Variants in COL5A1 observed in about 807,000 individuals in gnomAD.
The protein encoded by COL5A1 is collagen alpha-1(V) chain.
A neutral mutation model predicts 263.7 loss-of-function variants in COL5A1; 16 were observed. The observed-to-expected ratio is 0.06, with a 90% CI of 0.04 to 0.09. The LOEUF (loss-of-function observed/expected upper bound fraction) is 0.09, where lower values mean the gene tolerates loss of function less well. Among genes scored for constraint, COL5A1 ranks in the 10% least tolerant of loss-of-function variants. COL5A1 has a pLI of 1.00. For missense variants in COL5A1, 2,036 were observed against 2,540.5 expected (o/e 0.80, Z 4.27); for synonymous variants, 1,012 against 1,004.5 (o/e 1.01, Z -0.14).
intron 37 of COL5A1, among the ~76,000 whole-genome samples, chr9:134,801,613 C>T (rs142496776): frequency 0.022 from 3,382 of 152,226 alleles, 56 homozygotes; most frequent in Non-Finnish European, 0.034. Flanking sequence ...ATGGTGAAAT[C>T]CTGTCTCTAC....
chr9:134,727,001 GTGGATGGATGGA>G (rs573333833), intron 4 of COL5A1, among the ~76,000 whole-genome samples: 1 of 149,022 alleles, frequency 6.7e-6, no homozygotes, highest in Non-Finnish European at 1.5e-5. Context: ...GAACGAATGA[GTGGATGGATGGA>G]TGGATGGATG....
rs553673895 is a variant in COL5A1 at position 134,678,940 on chromosome 9, C to T, written c.110-11972C>T. On this transcript the variant is annotated intron_variant, in intron 1 of 65. Coordinates refer to ENST00000371817, the MANE Select transcript of COL5A1 (RefSeq NM_000093.5). The surrounding 1 kb of genome is among the most constrained non-coding windows in gnomAD (Gnocchi z 5.5). ...GTTAGATCTGTGCAGGGTGAGGCTC[C>T]GAGGCTTGCTGGGTCAGTCCCATTC... 4.6e-5 allele frequency among the ~76,000 whole-genome samples: 7 copies of T among 152,122 alleles called. No homozygotes were observed. Among genetic ancestry groups the T allele is most frequent in the East Asian group, 1.9e-4 (1 of 5,174 alleles).
rs576141206 is a variant in COL5A1, at chr9:134,807,938, C to T, written c.3367-1245C>T. Among the ~76,000 whole-genome samples, 4 of 152,236 alleles carry T rather than the reference C, an allele frequency of 2.6e-5. No individual in the cohort carries two copies. In the East Asian group the frequency reaches 7.8e-4, roughly 30 times the overall value. On this transcript the variant is annotated intron_variant, in intron 42 of 65. Coordinates refer to ENST00000371817, the MANE Select transcript of COL5A1 (RefSeq NM_000093.5). ...GAGTTGCTCTATCCAGGCAGAAGCT[C>T]GTCATCCTCCCAGAATAGCTCCAGA... is the stretch of plus-strand genomic sequence containing the variant.
Position 134,842,110 on chromosome 9 carries a change from C to T in COL5A1, c.5371-47C>T, listed in dbSNP as rs1034984568. 1 of 1,609,958 alleles carries T rather than the reference C, an allele frequency of 6.2e-7. No homozygotes were observed. The highest frequency in any genetic ancestry group is 1.3e-5 in the African/African-American group (1 of 74,768). ...GGGGGGTGATTGGTAAACCCCAAGACCCCCAACTGTTCTTAACCACCGGCC... is the reference window on the plus strand; with the variant it reads ...GGGGGGTGATTGGTAAACCCCAAGATCCCCAACTGTTCTTAACCACCGGCC... On this transcript the variant is annotated intron_variant, in intron 65 of 65. Coordinates refer to ENST00000371817, the MANE Select transcript of COL5A1 (RefSeq NM_000093.5). The surrounding 1 kb of genome is among the most constrained non-coding windows in gnomAD (Gnocchi z 5.8).
intron 2 of COL5A1, among the ~76,000 whole-genome samples, chr9:134,694,187 C>T (rs1327787099): frequency 6.6e-6 from 1 of 152,266 alleles, no homozygotes; most frequent in Non-Finnish European, 1.5e-5. Context: ...CCCCGAAGAG[C>T]TCACACACCC....
intron 25 of COL5A1, among the ~76,000 whole-genome samples, chr9:134,772,135 C>G (rs548492560): frequency 1.3e-5 from 2 of 152,270 alleles, no homozygotes; most frequent in Admixed American, 6.5e-5. Context: ...GGTGGAGACC[C>G]GAGGGTGTGG....
chr9:134,824,887 C>A (rs1224407935), intron 62 of COL5A1, 32 bp downstream of exon 62: 1 of 1,591,368 alleles, frequency 6.3e-7, no homozygotes, highest in Non-Finnish European at 8.5e-7. Flanking sequence ...GGTGGCCCCC[C>A]AAAGCGGGCA....
rs1588506183 is a variant in COL5A1, at chr9:134,754,169, A to G, written c.1774-104A>G. Reference sequence around the variant, plus strand: ...AAGTGCCCACATGTTTGTGGCTTGGACAGCCAGGCATGGGCAGGGTCGATG... The same window carrying G: ...AAGTGCCCACATGTTTGTGGCTTGGGCAGCCAGGCATGGGCAGGGTCGATG... On this transcript the variant is annotated intron_variant, in intron 15 of 65. Coordinates refer to ENST00000371817, the MANE Select transcript of COL5A1 (RefSeq NM_000093.5). The surrounding 1 kb of genome is among the most constrained non-coding windows in gnomAD (Gnocchi z 4.3). 4 of 1,256,570 alleles carry G rather than the reference A, an allele frequency of 3.2e-6. No individual in the cohort carries two copies. Among genetic ancestry groups the G allele is most frequent in the South Asian group, 2.4e-5 (2 of 82,346 alleles). The allele number at this position is 1,256,570 out of a possible 1,614,324, so 77.8% of individuals were successfully genotyped here. A position where few individuals can be genotyped will look rare whatever the true frequency, so the allele number is the denominator to read the frequency against.
chr9:134,735,302 CCCA>C (rs1554789012), intron 9 of COL5A1, among the ~76,000 whole-genome samples: 3 of 152,112 alleles, frequency 2.0e-5, no homozygotes, highest in Non-Finnish European at 4.4e-5. Context: ...TGATCCTGCA[CCCA>C]CCACCACCAC....
intron 13 of COL5A1, 60 bp downstream of exon 13, chr9:134,750,942 C>T: frequency 1.4e-6 from 2 of 1,427,610 alleles, no homozygotes; most frequent in Non-Finnish European, 9.8e-7. Flanking sequence ...CAGGGGCCAA[C>T]AGGAGTGAGT....
intron 1 of COL5A1, among the ~76,000 whole-genome samples, chr9:134,665,536 T>C (rs1327683504): frequency 6.6e-6 from 1 of 152,180 alleles, no homozygotes; most frequent in Non-Finnish European, 1.5e-5. Context: ...TGCATACAAA[T>C]TGGGACTCGT....
intron 64 of COL5A1, among the ~76,000 whole-genome samples, chr9:134,830,693 C>T (rs760977351): frequency 1.3e-5 from 2 of 152,240 alleles, no homozygotes; most frequent in Admixed American, 6.5e-5. Flanking sequence ...CACCACTGTA[C>T]GAGTCACGTT....
At chr9:134,648,038 C>T (rs1433587397) in intron 1 of COL5A1, among the ~76,000 whole-genome samples, 4 of 152,142 alleles carry the variant, frequency 2.6e-5, no homozygotes, top group South Asian at 2.1e-4. Context: ...GCAGACCCAC[C>T]GTTAATCGGG....
intron 65 of COL5A1, among the ~76,000 whole-genome samples, chr9:134,840,471 A>G (rs886859421): frequency 2.0e-5 from 3 of 152,200 alleles, no homozygotes; most frequent in Non-Finnish European, 4.4e-5. Context: ...CAGAAAGCGT[A>G]TCGGTTATCC....
At position 134,731,436 on chromosome 9, in the gene COL5A1, T is replaced by C; in HGVS notation, c.1165-60T>C. On this transcript the variant is annotated intron_variant, in intron 7 of 65. Coordinates refer to ENST00000371817, the MANE Select transcript of COL5A1 (RefSeq NM_000093.5). Reference sequence around the variant, plus strand: ...GCCACAGTGCCCGCCCAGGGCCTGATGGAGAGGCAGTGCCTGGTGCGTTTG... The same window carrying C: ...GCCACAGTGCCCGCCCAGGGCCTGACGGAGAGGCAGTGCCTGGTGCGTTTG... The C allele has an allele frequency of 1.9e-6, 3 of 1,570,028 alleles. No individual in the cohort carries two copies. In the South Asian group the frequency reaches 3.4e-5, roughly 18 times the overall value.
chr9:134,817,689 A>T (rs539173942), intron 53 of COL5A1, 89 bp from the exon 54 acceptor site: 54 of 1,203,500 alleles, frequency 4.5e-5, no homozygotes, highest in East Asian at 3.8e-4. Context: ...CAGGCCACAC[A>T]CACACACACC....
In COL5A1 at chr9:134,730,488, C is replaced by G. The variant is rs1298341224; in HGVS notation, c.1164+13C>G. On this transcript the variant is annotated intron_variant, in intron 7 of 65. Coordinates refer to ENST00000371817, the MANE Select transcript of COL5A1 (RefSeq NM_000093.5). ...CAACTCCTCCAATGTAATTTCTTTC[C>G]TTCCCATTGGTTTGGTCTGGGGCAG... is the stretch of plus-strand genomic sequence containing the variant. 1 of 1,613,896 alleles carries G rather than the reference C, an allele frequency of 6.2e-7. No individual in the cohort carries two copies. The highest frequency in any genetic ancestry group is 2.2e-5 in the East Asian group (1 of 44,882).
At chr9:134,786,689 C>T (rs1204765325) in intron 31 of COL5A1, among the ~76,000 whole-genome samples, 1 of 150,120 alleles carries the variant, frequency 6.7e-6, no homozygotes, top group Non-Finnish European at 1.5e-5. Flanking sequence ...CTTTGGAAAT[C>T]ATTGAAAATG....
intron 4 of COL5A1, 121 bp downstream of exon 4, chr9:134,701,454 C>A: frequency 1.0e-6 from 1 of 980,500 alleles, no homozygotes; most frequent in Non-Finnish European, 1.6e-6. Flanking sequence ...CTGTGGTCAC[C>A]GTCTCTGTTG....
Sources: gnomAD v4.1 joint callset for allele counts (sites outside exome capture counted in the v4.1 genomes callset) on GRCh38, gnomAD v4.1.1 for gene constraint, Gnocchi (gnomAD v3.1) non-coding constraint, MANE v1.5 for transcripts, NCBI Gene and HGNC (gene_info 2026-07-23, HGNC 2026-07-21) for gene names.